NXNL2: variants seen among roughly 807,000 people sequenced by gnomAD.
The protein encoded by NXNL2 is nucleoredoxin like 2.
NXNL2 carries 7 observed loss-of-function variants against 11.1 expected under a neutral mutation model. That is an observed-to-expected ratio of 0.63 (90% CI 0.36 to 1.18). The LOEUF (loss-of-function observed/expected upper bound fraction) is 1.18, where lower values mean the gene tolerates loss of function less well. NXNL2 is among the 50% of genes most tolerant of loss of function. The probability of loss-of-function intolerance (pLI) is 0.02; values close to 1 mark genes in which losing one functional copy is unlikely to be tolerated. For missense variants in NXNL2, 233 were observed against 217.7 expected (o/e 1.07, Z -0.44); for synonymous variants, 109 against 101.8 (o/e 1.07, Z -0.42).
In NXNL2 at chr9:88,544,672, A is replaced by G; in HGVS notation, c.*125A>G. On this transcript the variant is annotated 3_prime_UTR_variant, in exon 2 of 2. Coordinates refer to ENST00000375854, the MANE Select transcript of NXNL2 (RefSeq NM_001161625.2). The stretch of plus-strand genomic sequence containing the variant: ...TTTCATTGTATTTCAGAGCAGAAGC[A>G]CTAAGCTGTGGTCAAAAAGCAACTA... The G allele has an allele frequency of 7.0e-7, 1 of 1,424,104 alleles. No homozygotes were observed. Among genetic ancestry groups the G allele is most frequent in the South Asian group, 1.6e-5 (1 of 63,928 alleles). 88.2% of individuals were successfully genotyped at this position (1,424,104 alleles called of 1,614,324 possible).
chr9:88,552,473 G>GGTTTTTTTTTTTTT (rs796387920), intron 1 of NXNL2, among the ~76,000 whole-genome samples: 5 of 131,564 alleles, frequency 3.8e-5, no homozygotes, highest in African/African-American at 1.4e-4. Context: ...AAACATGCAT[G>GGTTTTTTTTTTTTT]TTTTTTTTTT....
intron 1 of NXNL2, among the ~76,000 whole-genome samples, chr9:88,551,401 C>G (rs1201922197): frequency 2.6e-5 from 4 of 152,052 alleles, no homozygotes; most frequent in Non-Finnish European, 5.9e-5. Context: ...GAGATTTCCT[C>G]AAATTTATCT....
intron 1 of NXNL2, among the ~76,000 whole-genome samples, chr9:88,564,264 ATCTG>A (rs201260495): frequency 0.027 from 3,641 of 135,142 alleles, 138 homozygotes; most frequent in African/African-American, 0.082. Context: ...CTATCTATCT[ATCTG>A]TCTATCTATC....
chr9:88,535,689 G>A lies in NXNL2; in HGVS notation c.255G>A (p.Glu85=). The A allele has an allele frequency of 2.5e-6, 4 of 1,601,518 alleles. No individual in the cohort carries two copies. Among genetic ancestry groups the A allele is most frequent in the Non-Finnish European group, 3.4e-6 (4 of 1,176,756 alleles). ...SSQEMLDFMR[E]LHGAWLALPF... is the part of the protein sequence containing the mutation. ...AGGAGATGCTGGACTTCATGCGCGAGCTGCATGGCGCCTGGCTGGCGCTGC... is the reference window on the plus strand; with the variant it reads ...AGGAGATGCTGGACTTCATGCGCGAACTGCATGGCGCCTGGCTGGCGCTGC... Residue 85 remains glutamate, a synonymous_variant, in exon 1 of 2, where the codon GAG becomes GAA. Coordinates refer to ENST00000375854, the MANE Select transcript of NXNL2 (RefSeq NM_001161625.2).
downstream of NXNL2, among the ~76,000 whole-genome samples, chr9:88,577,653 C>T (rs1225521888): frequency 3.7e-5 from 5 of 134,624 alleles, no homozygotes; most frequent in Admixed American, 7.5e-5. Context: ...GAGAAGAGAG[C>T]GAGCGAGCGC....
chr9:88,573,059 G>A (rs1194641406), intron 2 of NXNL2, among the ~76,000 whole-genome samples: 1 of 152,188 alleles, frequency 6.6e-6, no homozygotes, highest in Non-Finnish European at 1.5e-5. Flanking sequence ...GTGGGCTAGG[G>A]AGTTCCCACC....
intron 1 of NXNL2, among the ~76,000 whole-genome samples, chr9:88,563,023 G>A (rs1291672435): frequency 6.6e-6 from 1 of 152,124 alleles, no homozygotes; most frequent in African/African-American, 2.4e-5. Context: ...AGGAGGTGGA[G>A]GTTGCAGTGA....
chr9:88,540,096 G>A lies in NXNL2; in HGVS notation c.303-4283G>A, dbSNP rs537453689. Among the ~76,000 whole-genome samples, 41 of 151,932 alleles carry A rather than the reference G, an allele frequency of 2.7e-4. 2 individuals are homozygous for A. The South Asian group carries it at 8.1e-3, about 30-fold the overall frequency. ...GCCTGTAATCCCAGCACTTTGGGAG[G>A]CCGAGGCGGGTGGATCACAAAGTCA... On this transcript the variant is annotated intron_variant, in intron 1 of 1. Coordinates refer to ENST00000375854, the MANE Select transcript of NXNL2 (RefSeq NM_001161625.2).
chr9:88,571,520 G>A (rs1400374251), intron 2 of NXNL2, among the ~76,000 whole-genome samples: 1 of 152,202 alleles, frequency 6.6e-6, no homozygotes, highest in Admixed American at 6.5e-5. Flanking sequence ...CAGAACTGAT[G>A]TTTTATTTTC....
chr9:88,543,559 C>T (rs1321061535), intron 1 of NXNL2, among the ~76,000 whole-genome samples: 2 of 152,204 alleles, frequency 1.3e-5, no homozygotes, highest in Non-Finnish European at 2.9e-5. Context: ...AGCAACCACA[C>T]CTGGCTGGAA....
At chr9:88,579,946 C>T (rs550926156), downstream of NXNL2, among the ~76,000 whole-genome samples, 16 of 151,960 alleles carry the variant, frequency 1.1e-4, no homozygotes, top group South Asian at 8.3e-4. Context: ...CTGACTAACA[C>T]GGTGAAATCC....
At position 88,535,463 on chromosome 9, in the gene NXNL2, T is replaced by C; in HGVS notation, c.29T>C (p.Leu10Pro). 1.2e-6 allele frequency: 2 copies of C among 1,606,770 alleles called. No individual in the cohort carries two copies. The highest frequency in any genetic ancestry group is 2.2e-5 in the East Asian group (1 of 44,672). Residue 10 changes from leucine (L) to proline (P), a missense_variant, in exon 1 of 2, where the codon CTG (leucine) becomes CCG (proline). Coordinates refer to ENST00000375854, the MANE Select transcript of NXNL2 (RefSeq NM_001161625.2). ...GTTGACATTCTGGGCGAGCGGCACC[T>C]GGTGACCTGTAAGGGCGCGACGGTG... is the stretch of plus-strand genomic sequence containing the variant. MVDILGERH[L>P]VTCKGATVEA...
At chr9:88,584,038 A>G (rs1830436083) in exon 2 of NXNL2, 1 of 152,222 alleles carries the variant, frequency 6.6e-6, no homozygotes. Flanking sequence ...CCTTCTCTCC[A>G]TGCCTGCACT....
downstream of NXNL2, among the ~76,000 whole-genome samples, chr9:88,578,623 A>C (rs2118554802): frequency 6.6e-6 from 1 of 152,344 alleles, no homozygotes; most frequent in East Asian, 1.9e-4. Flanking sequence ...CTGGTCAGCC[A>C]GGAGCCGCCG....
chr9:88,535,848 C>A (rs62580716), intron 1 of NXNL2, 112 bp downstream of exon 1: 9,043 of 805,072 alleles, frequency 0.011, 78 homozygotes, highest in Middle Eastern at 0.017. Flanking sequence ...CCCAACACCT[C>A]CCCGTCTCTC....
chr9:88,570,364 T>C (rs556234756), intron 1 of NXNL2, among the ~76,000 whole-genome samples: 1 of 152,188 alleles, frequency 6.6e-6, no homozygotes, highest in African/African-American at 2.4e-5. Context: ...GCGATCCCCA[T>C]GCCTTGGCCT....
intron 1 of NXNL2, among the ~76,000 whole-genome samples, chr9:88,582,328 G>A (rs1278015921): frequency 1.3e-5 from 2 of 152,098 alleles, no homozygotes. Flanking sequence ...AATTAGCTGG[G>A]CATGGTGGCG....
At chr9:88,543,862 A>C (rs1269037434) in intron 1 of NXNL2, among the ~76,000 whole-genome samples, 1 of 152,132 alleles carries the variant, frequency 6.6e-6, no homozygotes, top group Non-Finnish European at 1.5e-5. Context: ...TCTGGTGTGG[A>C]ATTGGGTTAG....
chr9:88,544,767 TC>T lies in NXNL2; in HGVS notation c.*221del. The T allele has an allele frequency of 1.5e-6, 2 of 1,303,902 alleles. No homozygotes were observed. Among genetic ancestry groups the T allele is most frequent in the Non-Finnish European group, 1.9e-6 (2 of 1,030,406 alleles). 80.8% of individuals were successfully genotyped at this position (1,303,902 alleles called of 1,614,324 possible). On this transcript the variant is annotated 3_prime_UTR_variant, in exon 2 of 2. Transcript: ENST00000375854. Reference sequence around the variant, plus strand: ...TTTGTATTATAGTTATTTTTGTTATTCTTTGCATACCTTTATCCACCTGTGC... The same window carrying T: ...TTTGTATTATAGTTATTTTTGTTATTTTTGCATACCTTTATCCACCTGTGC...
Sources: allele counts gnomAD v4.1 joint callset (sites outside exome capture counted in the v4.1 genomes callset), GRCh38; gene constraint gnomAD v4.1.1; transcripts MANE v1.5; gene names NCBI Gene and HGNC (gene_info 2026-07-23, HGNC 2026-07-21).